Variants in TNFAIP8L1 observed in about 807,000 individuals in gnomAD.
The protein encoded by TNFAIP8L1 is tumor necrosis factor alpha-induced protein 8-like protein 1.
For missense variants in TNFAIP8L1, 225 were observed against 266.1 expected (o/e 0.85, Z 1.08); for synonymous variants, 127 against 125.6 (o/e 1.01, Z -0.08).
intron 1 of TNFAIP8L1, among the ~76,000 whole-genome samples, chr19:4,647,940 T>C (rs938840318): frequency 1.3e-5 from 2 of 152,066 alleles, no homozygotes; most frequent in African/African-American, 4.8e-5. Flanking sequence ...GATGATTTTG[T>C]AATGAGGAGG....
In TNFAIP8L1 at chr19:4,652,643, C is replaced by T. The variant is rs1239892658; in HGVS notation, c.*213C>T. Reference sequence around the variant, plus strand: ...CAATGTCACCTCTCCTCCTGGCCCCCGCCCAATGGGGAGAGGAATTTGGGG... The same window carrying T: ...CAATGTCACCTCTCCTCCTGGCCCCTGCCCAATGGGGAGAGGAATTTGGGG... On this transcript the variant is annotated 3_prime_UTR_variant, in exon 2 of 2. Coordinates refer to ENST00000327473, the MANE Select transcript of TNFAIP8L1 (RefSeq NM_152362.3). 1.3e-5 allele frequency: 7 copies of T among 525,664 alleles called. No individual in the cohort carries two copies. Among genetic ancestry groups the T allele is most frequent in the Admixed American group, 1.2e-4 (3 of 25,844 alleles). 32.6% of individuals were successfully genotyped at this position (525,664 alleles called of 1,614,324 possible). A position where few individuals can be genotyped will look rare whatever the true frequency, so the allele number is the denominator to read the frequency against.
chr19:4,649,588 G>A (rs1285528886), intron 1 of TNFAIP8L1, among the ~76,000 whole-genome samples: 2 of 152,226 alleles, frequency 1.3e-5, no homozygotes, highest in Non-Finnish European at 2.9e-5. Context: ...AGGGCGTTGA[G>A]AGCCAGTGGT....
At chr19:4,649,803 G>A (rs767001959) in intron 1 of TNFAIP8L1, among the ~76,000 whole-genome samples, 17 of 152,252 alleles carry the variant, frequency 1.1e-4, no homozygotes, top group Non-Finnish European at 2.4e-4. Flanking sequence ...TCTGGTGACC[G>A]AGGTCGGAGG....
intron 1 of TNFAIP8L1, among the ~76,000 whole-genome samples, chr19:4,647,727 T>G (rs1444470608): frequency 2.7e-5 from 4 of 150,330 alleles, no homozygotes; most frequent in African/African-American, 9.8e-5. Context: ...GCTCAAGCGA[T>G]TCTCCCCCTC....
intron 1 of TNFAIP8L1, among the ~76,000 whole-genome samples, chr19:4,647,478 T>G (rs1357035293): frequency 1.3e-5 from 2 of 151,294 alleles, no homozygotes; most frequent in Non-Finnish European, 2.9e-5. Context: ...CCAGCTAATT[T>G]TTTTTGTATT....
At chr19:4,650,318 G>A (rs2088350102) in intron 1 of TNFAIP8L1, among the ~76,000 whole-genome samples, 1 of 151,956 alleles carries the variant, frequency 6.6e-6, no homozygotes, top group Non-Finnish European at 1.5e-5. Context: ...AGGCTTTGGG[G>A]GGTGTATAGG....
intron 1 of TNFAIP8L1, among the ~76,000 whole-genome samples, chr19:4,646,612 T>G (rs1382091845): frequency 2.0e-5 from 3 of 151,904 alleles, no homozygotes; most frequent in African/African-American, 7.3e-5. Context: ...CTTTCTGCCC[T>G]TGTGGACAGG....
intron 1 of TNFAIP8L1, among the ~76,000 whole-genome samples, chr19:4,644,051 G>A (rs143786426): frequency 1.7e-3 from 258 of 150,778 alleles, no homozygotes; most frequent in East Asian, 8.7e-3. Flanking sequence ...AGAAAACCCC[G>A]TCTCTACTAA....
intron 1 of TNFAIP8L1, among the ~76,000 whole-genome samples, chr19:4,647,609 C>CTTTTTTTT (rs57985958): frequency 7.4e-5 from 6 of 80,558 alleles, no homozygotes; most frequent in Admixed American, 1.5e-4. Flanking sequence ...GTGCACCTGG[C>CTTTTTTTT]TTTTTTTTTT....
At chr19:4,650,805 C>T (rs2088355717) in intron 1 of TNFAIP8L1, among the ~76,000 whole-genome samples, 2 of 152,104 alleles carry the variant, frequency 1.3e-5, no homozygotes, top group African/African-American at 4.8e-5. Flanking sequence ...GGGCTGAAGG[C>T]CTTGGACATG....
intron 1 of TNFAIP8L1, among the ~76,000 whole-genome samples, chr19:4,649,564 G>A (rs2088343142): frequency 6.6e-6 from 1 of 152,200 alleles, no homozygotes; most frequent in African/African-American, 2.4e-5. Flanking sequence ...GAAGGCACAG[G>A]GAGTTGGGGT....
chr19:4,655,468 G>A lies in TNFAIP8L1; in HGVS notation c.*3038G>A, dbSNP rs2088415230. 1 of 152,198 alleles carries A rather than the reference G, an allele frequency of 6.6e-6. No homozygotes were observed. Among genetic ancestry groups the A allele is most frequent in the Non-Finnish European group, 1.5e-5 (1 of 68,048 alleles). The allele number at this position is 152,198 out of a possible 1,614,324, so 9.4% of individuals were successfully genotyped here. A position where few individuals can be genotyped will look rare whatever the true frequency, so the allele number is the denominator to read the frequency against. On this transcript the variant is annotated 3_prime_UTR_variant, in exon 2 of 2. Transcript: ENST00000327473. The stretch of plus-strand genomic sequence containing the variant: ...AAACTCTCTGTGTCCCTGTTGGGCT[G>A]TCCAGACAGTCTGGACTCTTGTAAA...
chr19:4,644,605 AT>A (rs553560316), intron 1 of TNFAIP8L1, among the ~76,000 whole-genome samples: 1,100 of 88,646 alleles, frequency 0.012, 6 homozygotes, highest in South Asian at 0.037. Flanking sequence ...TGAGTCATGG[AT>A]TTTTTTTTTT....
At chr19:4,647,384 C>G (rs531391793) in intron 1 of TNFAIP8L1, among the ~76,000 whole-genome samples, 12 of 150,972 alleles carry the variant, frequency 7.9e-5, no homozygotes, top group African/African-American at 2.9e-4. Flanking sequence ...CTCACTGTCA[C>G]TGCAACCTCC....
intron 1 of TNFAIP8L1, among the ~76,000 whole-genome samples, chr19:4,648,412 C>G (rs1026658412): frequency 6.6e-6 from 1 of 152,236 alleles, no homozygotes; most frequent in Admixed American, 6.5e-5. Flanking sequence ...ATCCTCCTGT[C>G]TGGCTGCCTG....
At chr19:4,642,467 T>G in intron 1 of TNFAIP8L1, 1 of 142,228 alleles carries the variant, frequency 7.0e-6, no homozygotes, top group African/African-American at 2.6e-5. Flanking sequence ...GTTGACAGAG[T>G]GTGAGACTCC....
intron 1 of TNFAIP8L1, among the ~76,000 whole-genome samples, chr19:4,646,208 C>T (rs547754599): frequency 8.6e-5 from 13 of 152,014 alleles, no homozygotes; most frequent in African/African-American, 2.2e-4. Context: ...CTGCAACCTC[C>T]GCCTCCCAGG....
chr19:4,643,902 G>A (rs1004683038), intron 1 of TNFAIP8L1, among the ~76,000 whole-genome samples: 16 of 151,082 alleles, frequency 1.1e-4, no homozygotes, highest in African/African-American at 3.6e-4. Flanking sequence ...GCAACAGAGC[G>A]AGACTCCATC....
chr19:4,652,226 G>T lies in TNFAIP8L1; in HGVS notation c.357G>T (p.Gly119=). The T allele has an allele frequency of 6.5e-7, 1 of 1,547,418 alleles. No homozygotes were observed. The part of the protein sequence containing the change: ...FTFDRRVLAA[G]LLECRDLLHQ... Reference sequence around the variant, plus strand: ...TCGACCGGCGCGTGCTGGCCGCCGGGCTGCTCGAGTGCCGCGACCTGCTGC... The same window carrying T: ...TCGACCGGCGCGTGCTGGCCGCCGGTCTGCTCGAGTGCCGCGACCTGCTGC... The change falls in exon 2 of 2, where the codon GGG becomes GGT. Residue 119 remains glycine (G), a synonymous_variant. Transcript: ENST00000327473.
Sources: allele counts gnomAD v4.1 joint callset (sites outside exome capture counted in the v4.1 genomes callset), GRCh38; gene constraint gnomAD v4.1.1; transcripts MANE v1.5; gene names NCBI Gene and HGNC (gene_info 2026-07-23, HGNC 2026-07-21).